Variants in IGF1 observed in about 807,000 individuals in gnomAD.
IGF1 encodes insulin-like growth factor 1.
IGF1 carries 4 observed loss-of-function variants against 13.8 expected under a neutral mutation model. The observed-to-expected ratio is 0.29, with a 90% CI of 0.14 to 0.66. The LOEUF (loss-of-function observed/expected upper bound fraction) is 0.66. Among genes scored for constraint, IGF1 ranks in the 30% least tolerant of loss-of-function variants. The pLI is 0.78. For synonymous variants in IGF1, 76 were observed against 72.6 expected, an observed-to-expected ratio of 1.05 and a Z score of -0.23; for missense variants, 124 against 188.5, an observed-to-expected ratio of 0.66 and a Z score of 2.00.
intron 3 of IGF1, chr12:102,415,754 G>A (rs1054345771): frequency 4.7e-4 from 72 of 152,234 alleles, no homozygotes; most frequent in African/African-American, 1.7e-3. Context: ...GTGGTCCTTT[G>A]AAGAGCCATC....
At chr12:102,454,817 A>C (rs1879258207) in intron 2 of IGF1, among the ~76,000 whole-genome samples, 1 of 152,250 alleles carries the variant, frequency 6.6e-6, no homozygotes, top group Non-Finnish European at 1.5e-5. Context: ...GGGAAGAAGA[A>C]GGCTTTCCTA....
At chr12:102,479,482 C>T (rs919481400) in intron 1 of IGF1, among the ~76,000 whole-genome samples, 5 of 152,036 alleles carry the variant, frequency 3.3e-5, no homozygotes, top group Non-Finnish European at 5.9e-5. Context: ...CAATCGGAAA[C>T]GAGAAGTCGG....
chr12:102,402,651 T>C lies in IGF1; in HGVS notation c.403-85A>G. On this transcript the variant is annotated intron_variant, in intron 3 of 3. Transcript: ENST00000337514. ...TCTAACATTGGGCCTCAACCTTCCA[T>C]GTCTTACGCCTTACCAGTTGAGCTA... is the stretch of plus-strand genomic sequence containing the variant. The C allele has an allele frequency of 9.1e-6, 7 of 771,078 alleles. No individual in the cohort carries two copies. In the Admixed American group the frequency reaches 1.2e-4, roughly 13 times the overall value. The allele number at this position is 771,078 out of a possible 1,614,324, so 47.8% of individuals were successfully genotyped here.
intron 1 of IGF1, chr12:102,478,684 A>G (rs1283816262): frequency 3.0e-6 from 4 of 1,343,582 alleles, no homozygotes; most frequent in South Asian, 4.5e-5. Context: ...CCTTTTGTCC[A>G]TTGAAACAAT....
chr12:102,428,959 G>A (rs1876487911), intron 2 of IGF1, among the ~76,000 whole-genome samples: 1 of 152,052 alleles, frequency 6.6e-6, no homozygotes, highest in Non-Finnish European at 1.5e-5. Context: ...CTATGCCATT[G>A]GTACCCAACA....
intron 2 of IGF1, among the ~76,000 whole-genome samples, chr12:102,453,837 T>A (rs1361058518): frequency 6.6e-6 from 1 of 152,208 alleles, no homozygotes; most frequent in Non-Finnish European, 1.5e-5. Context: ...AGAATCTATG[T>A]GCCTTTAATC....
intron 1 of IGF1, among the ~76,000 whole-genome samples, 166 bp downstream of exon 1, chr12:102,480,153 G>A (rs570971806): frequency 1.3e-5 from 2 of 152,186 alleles, no homozygotes; most frequent in South Asian, 2.1e-4. Context: ...CCATCTCCCC[G>A]AGCTATTTTT....
At chr12:102,433,596 G>T (rs879519035) in intron 2 of IGF1, among the ~76,000 whole-genome samples, 24 of 152,024 alleles carry the variant, frequency 1.6e-4, no homozygotes, top group Admixed American at 6.6e-5. Flanking sequence ...GTTTTGTGAA[G>T]ACTGGCCTAT....
chr12:102,481,285 G>GAGA (rs1881375363), upstream of IGF1, among the ~76,000 whole-genome samples: 1 of 152,012 alleles, frequency 6.6e-6, no homozygotes, highest in Non-Finnish European at 1.5e-5. Flanking sequence ...ACCACTCTGG[G>GAGA]AGAAGGGTAC....
intron 1 of IGF1, among the ~76,000 whole-genome samples, chr12:102,476,913 G>T (rs1234273353): frequency 6.6e-6 from 1 of 152,168 alleles, no homozygotes; most frequent in Non-Finnish European, 1.5e-5. Flanking sequence ...GTGGCACAAA[G>T]ATGTGGCTTT....
In IGF1 at chr12:102,396,054, A is replaced by G. The variant is rs1456195167; in HGVS notation, c.*6453T>C. ...TATTCCTCTGCCATAAGTGAATTGA[A>G]TAATAATTTCAAATACAATCAGAAT... is the stretch of plus-strand genomic sequence containing the variant. On this transcript the variant is annotated 3_prime_UTR_variant, in exon 4 of 4. Transcript: ENST00000337514. 1 of 152,228 alleles carries G rather than the reference A, an allele frequency of 6.6e-6. No individual in the cohort carries two copies. The highest frequency in any genetic ancestry group is 6.5e-5 in the Admixed American group (1 of 15,274). 9.4% of individuals were successfully genotyped at this position (152,228 alleles called of 1,614,324 possible).
At chr12:102,459,475 C>A (rs1879723148) in intron 2 of IGF1, among the ~76,000 whole-genome samples, 1 of 151,496 alleles carries the variant, frequency 6.6e-6, no homozygotes, top group Non-Finnish European at 1.5e-5. Flanking sequence ...CTGGAAGGAT[C>A]TTCCAGTAAA....
intron 2 of IGF1, among the ~76,000 whole-genome samples, chr12:102,438,377 CAA>C (rs1390144921): frequency 6.6e-6 from 1 of 152,166 alleles, no homozygotes; most frequent in Non-Finnish European, 1.5e-5. Context: ...CAGCATTCAC[CAA>C]AGAGTTGTTC....
intron 2 of IGF1, among the ~76,000 whole-genome samples, chr12:102,461,989 C>A (rs996663273): frequency 3.3e-5 from 5 of 152,182 alleles, no homozygotes; most frequent in Non-Finnish European, 5.9e-5. Context: ...AACCTTAACA[C>A]GCATCCAAAT....
chr12:102,446,529 C>A (rs1244703942), intron 2 of IGF1, among the ~76,000 whole-genome samples: 4 of 152,132 alleles, frequency 2.6e-5, no homozygotes, highest in Admixed American at 6.6e-5. Context: ...TTATAGTATT[C>A]TCTGATGGTA....
intron 3 of IGF1, chr12:102,417,970 A>G: frequency 6.2e-7 from 1 of 1,613,020 alleles, no homozygotes; most frequent in Non-Finnish European, 8.5e-7. Context: ...CTTCTCTGAG[A>G]CTTCGTGTTC....
chr12:102,453,030 G>A (rs1316419212), intron 2 of IGF1, among the ~76,000 whole-genome samples: 3 of 152,216 alleles, frequency 2.0e-5, no homozygotes, highest in African/African-American at 7.2e-5. Flanking sequence ...GTTAGGATTT[G>A]GGGGTCGAGA....
chr12:102,404,660 CT>C (rs1433299804), intron 3 of IGF1, among the ~76,000 whole-genome samples: 2 of 152,152 alleles, frequency 1.3e-5, no homozygotes, highest in African/African-American at 4.8e-5. Flanking sequence ...AATTCTGGCA[CT>C]TTCCCTCAAA....
chr12:102,446,556 G>A (rs961792807), intron 2 of IGF1, among the ~76,000 whole-genome samples: 1 of 152,110 alleles, frequency 6.6e-6, no homozygotes, highest in African/African-American at 2.4e-5. Flanking sequence ...ATTTCTGTGG[G>A]ATCGGTGGTG....
Sources: allele counts gnomAD v4.1 joint callset (sites outside exome capture counted in the v4.1 genomes callset), GRCh38; gene constraint gnomAD v4.1.1; transcripts MANE v1.5; gene names NCBI Gene and HGNC (gene_info 2026-07-23, HGNC 2026-07-21).